Variants in MAP3K7CL observed in about 807,000 individuals in gnomAD.
MAP3K7CL encodes the protein MAP3K7 C-terminal like, also known as MAP3K7 C-terminal-like protein.
MAP3K7CL carries 16 observed loss-of-function variants against 18.6 expected under a neutral mutation model. The observed-to-expected ratio is 0.86, with a 90% confidence interval of 0.58 to 1.31. MAP3K7CL has a LOEUF of 1.31. MAP3K7CL is among the 50% of genes most tolerant of loss of function. The pLI is 0.00. For missense variants in MAP3K7CL, 163 were observed against 174.4 expected (o/e 0.93, Z 0.37); for synonymous variants, 65 against 66.8 (o/e 0.97, Z 0.13).
intron 1 of MAP3K7CL, among the ~76,000 whole-genome samples, chr21:29,091,321 G>T (rs1174896357): frequency 6.6e-6 from 1 of 152,164 alleles, no homozygotes; most frequent in Non-Finnish European, 1.5e-5. Flanking sequence ...CCCTCTAAGA[G>T]ACTGTCGTTT....
At chr21:29,092,506 G>C (rs2086045862) in exon 4 of MAP3K7CL, 3 of 1,614,084 alleles carry the variant, frequency 1.9e-6, no homozygotes, top group Non-Finnish European at 2.5e-6. Flanking sequence ...CAGCAAGTTG[G>C]CTACTGGCGA....
chr21:29,105,939 C>T (rs933899497), intron 4 of MAP3K7CL, among the ~76,000 whole-genome samples: 1 of 152,106 alleles, frequency 6.6e-6, no homozygotes, highest in Non-Finnish European at 1.5e-5. Flanking sequence ...CTGAAGGTAG[C>T]TCTACAAAAT....
At position 29,119,718 on chromosome 21, in the gene MAP3K7CL, A is replaced by G. The variant is rs1230699915; in HGVS notation, c.370+27137A>G. 3.4e-5 allele frequency among the ~76,000 whole-genome samples: 5 copies of G among 149,080 alleles called. No individual in the cohort carries two copies. In the East Asian group the frequency reaches 7.9e-4, roughly 23 times the overall value. ...ACTCTTGTTGCCCAGGCTGGAGTAC[A>G]GTGACATGATCTCGGCTCACTGCAA... is the stretch of plus-strand genomic sequence containing the variant. On this transcript the variant is annotated intron_variant, in intron 4 of 6. Coordinates refer to the MAP3K7CL transcript ENST00000286791.
intron 4 of MAP3K7CL, among the ~76,000 whole-genome samples, chr21:29,101,930 C>T (rs1239704725): frequency 6.6e-6 from 1 of 152,110 alleles, no homozygotes; most frequent in Non-Finnish European, 1.5e-5. Flanking sequence ...ATTATTTTTT[C>T]ACCTGAATCC....
At chr21:29,110,073 A>G (rs2086393606) in intron 4 of MAP3K7CL, among the ~76,000 whole-genome samples, 1 of 152,206 alleles carries the variant, frequency 6.6e-6, no homozygotes, top group Non-Finnish European at 1.5e-5. Context: ...GCATATTTTT[A>G]CTTTTCTTCA....
intron 4 of MAP3K7CL, among the ~76,000 whole-genome samples, chr21:29,103,188 A>G (rs367787191): frequency 3.9e-5 from 6 of 152,336 alleles, no homozygotes; most frequent in African/African-American, 1.4e-4. Context: ...GTTGGTTTAT[A>G]TAGTGTCTAT....
chr21:29,170,246 T>C (rs1490963024), intron 4 of MAP3K7CL, among the ~76,000 whole-genome samples: 2 of 152,240 alleles, frequency 1.3e-5, no homozygotes, highest in African/African-American at 2.4e-5. Flanking sequence ...TAATTACTTA[T>C]CAAATACATG....
chr21:29,146,819 G>A (rs1350816058), intron 2 of MAP3K7CL, among the ~76,000 whole-genome samples: 1 of 152,222 alleles, frequency 6.6e-6, no homozygotes, highest in East Asian at 1.9e-4. Context: ...ACTATTAAGT[G>A]ATATGACCCT....
At chr21:29,085,969 T>A in intron 1 of MAP3K7CL, 1 of 1,588,598 alleles carries the variant, frequency 6.3e-7, no homozygotes, top group Non-Finnish European at 8.6e-7. Flanking sequence ...ACTATAATCC[T>A]GTTTTCAGTG....
At chr21:29,110,630 C>G (rs990109446) in intron 4 of MAP3K7CL, among the ~76,000 whole-genome samples, 2 of 152,102 alleles carry the variant, frequency 1.3e-5, no homozygotes, top group East Asian at 3.9e-4. Context: ...CTCTTGATCT[C>G]AAATGATCCA....
intron 4 of MAP3K7CL, among the ~76,000 whole-genome samples, chr21:29,119,410 A>G (rs1178938414): frequency 2.0e-5 from 3 of 152,286 alleles, no homozygotes; most frequent in African/African-American, 7.2e-5. Context: ...GCATCAATCA[A>G]GCAGTCTAAC....
At chr21:29,162,099 T>C (rs183962857) in intron 4 of MAP3K7CL, among the ~76,000 whole-genome samples, 24 of 152,284 alleles carry the variant, frequency 1.6e-4, no homozygotes, top group African/African-American at 5.8e-4. Flanking sequence ...ACAAAAAATT[T>C]CATGAAGGAA....
chr21:29,085,761 A>C (rs990224571), upstream of MAP3K7CL: 23 of 1,177,976 alleles, frequency 2.0e-5, no homozygotes, highest in Non-Finnish European at 2.9e-5. Context: ...TGTTGTTTGA[A>C]GGAATGTTGC....
At chr21:29,138,310 C>T (rs534816083) in intron 2 of MAP3K7CL, among the ~76,000 whole-genome samples, 1 of 152,170 alleles carries the variant, frequency 6.6e-6, no homozygotes, top group Non-Finnish European at 1.5e-5. Context: ...TAATGATAAT[C>T]AGTATTATTT....
upstream of MAP3K7CL, among the ~76,000 whole-genome samples, chr21:29,126,223 G>A (rs1400507280): frequency 6.6e-6 from 1 of 152,188 alleles, no homozygotes; most frequent in Non-Finnish European, 1.5e-5. Flanking sequence ...TGGAGAGGCT[G>A]GCAAATTATA....
At chr21:29,093,771 G>A (rs898197475) in intron 4 of MAP3K7CL, among the ~76,000 whole-genome samples, 4 of 152,088 alleles carry the variant, frequency 2.6e-5, no homozygotes, top group Admixed American at 6.5e-5. Context: ...GATTACAGGC[G>A]TGAGCCACCG....
At chr21:29,147,982 T>G (rs1484742738) in intron 2 of MAP3K7CL, among the ~76,000 whole-genome samples, 2 of 151,980 alleles carry the variant, frequency 1.3e-5, no homozygotes, top group African/African-American at 4.8e-5. Context: ...TGTATGTGCA[T>G]GTGTACTGTA....
rs7282702 is a variant in MAP3K7CL, at chr21:29,087,041, C to T, written c.57+1124C>T. The stretch of plus-strand genomic sequence containing the variant: ...TAGCTCCTGCCTACTTCATGTCCTG[C>T]GTCTTTTCCACTTGCTCTGCCCCAG... On this transcript the variant is annotated intron_variant, in intron 1 of 6. Transcript: ENST00000286791. Among the ~76,000 whole-genome samples, 8 of 152,284 alleles carry T rather than the reference C, an allele frequency of 5.3e-5. No homozygotes were observed. In the East Asian group the frequency reaches 5.8e-4, roughly 11 times the overall value.
chr21:29,083,135 T>G (rs1329135871), upstream of MAP3K7CL, among the ~76,000 whole-genome samples: 1 of 152,224 alleles, frequency 6.6e-6, no homozygotes, highest in African/African-American at 2.4e-5. Context: ...TTGGGTGTTT[T>G]GCCTTGGGCA....
Sources: gnomAD v4.1 joint callset for allele counts (sites outside exome capture counted in the v4.1 genomes callset) on GRCh38, gnomAD v4.1.1 for gene constraint, MANE v1.5 for transcripts, NCBI Gene and HGNC (gene_info 2026-07-23, HGNC 2026-07-21) for gene names.